PACSIN2: variants seen among roughly 807,000 people sequenced by gnomAD.
The protein encoded by PACSIN2 is protein kinase C and casein kinase substrate in neurons protein 2.
Under a neutral mutation model 63.8 loss-of-function variants are expected in PACSIN2, and 25 were observed. The ratio of observed to expected loss-of-function variants is 0.39; its 90% CI spans 0.29 to 0.55. The LOEUF is 0.55. Among genes scored for constraint, PACSIN2 ranks in the 20% least tolerant of loss-of-function variants. PACSIN2 has a pLI of 0.62. For synonymous variants in PACSIN2, 255 were observed against 256.2 expected (o/e 1.00, Z 0.05); for missense variants, 518 against 646.9 (o/e 0.80, Z 2.16).
intron 2 of PACSIN2, among the ~76,000 whole-genome samples, chr22:42,903,587 A>G (rs1423226329): frequency 1.3e-5 from 2 of 152,092 alleles, no homozygotes; most frequent in Non-Finnish European, 2.9e-5. Context: ...TGGGCTCCCA[A>G]CTTGTCTCAG....
intron 7 of PACSIN2, chr22:42,880,769 G>C (rs1929012690): frequency 6.6e-6 from 1 of 152,110 alleles, no homozygotes; most frequent in African/African-American, 2.4e-5. Flanking sequence ...GCTCTGGCTG[G>C]GACACCCTCC....
chr22:42,966,809 G>A (rs1248340566), intron 1 of PACSIN2, among the ~76,000 whole-genome samples: 4 of 152,224 alleles, frequency 2.6e-5, no homozygotes, highest in Non-Finnish European at 5.9e-5. Context: ...AATGGAAGAT[G>A]ATCCAAGAAA....
chr22:42,937,270 A>G (rs1010610368), intron 1 of PACSIN2, among the ~76,000 whole-genome samples: 2 of 152,160 alleles, frequency 1.3e-5, no homozygotes, highest in Non-Finnish European at 2.9e-5. Flanking sequence ...CATGGGAAGA[A>G]GTAAGCCATA....
chr22:42,948,443 C>A (rs986154583), intron 1 of PACSIN2, among the ~76,000 whole-genome samples: 13 of 152,228 alleles, frequency 8.5e-5, no homozygotes, highest in African/African-American at 3.1e-4. Context: ...ACCTTCTCAA[C>A]CAGTACTATA....
intron 2 of PACSIN2, among the ~76,000 whole-genome samples, chr22:42,911,799 C>T (rs917299550): frequency 2.0e-5 from 3 of 152,228 alleles, no homozygotes; most frequent in Non-Finnish European, 4.4e-5. Context: ...CCTTTCCTAG[C>T]AAGGTAAGTT....
chr22:42,986,615 A>G (rs138381234), intron 1 of PACSIN2, among the ~76,000 whole-genome samples: 2 of 152,222 alleles, frequency 1.3e-5, no homozygotes, highest in African/African-American at 4.8e-5. Flanking sequence ...ATACACACTA[A>G]AATCCACATG....
rs557500523 is a variant in PACSIN2, at chr22:43,001,588, C to T, written c.-78+13433G>A. ...CTGAAGTGTGGGCACAAAAACCTGC[C>T]TGTGCTTGGGAAGCAAGACACTTGT... On this transcript the variant is annotated intron_variant, in intron 1 of 10. Transcript: ENST00000263246. Among the ~76,000 whole-genome samples the T allele has an allele frequency of 1.1e-3, 169 of 152,244 alleles. 1 individual carries two copies. The highest frequency in any genetic ancestry group is 2.1e-3 in the Non-Finnish European group (146 of 68,044).
chr22:43,012,971 T>C (rs2146935120), intron 1 of PACSIN2, among the ~76,000 whole-genome samples: 1 of 152,114 alleles, frequency 6.6e-6, no homozygotes, highest in East Asian at 1.9e-4. Flanking sequence ...TTTGTATCTT[T>C]AGTAGAGACG....
At chr22:43,004,368 C>T (rs1330625337) in intron 1 of PACSIN2, among the ~76,000 whole-genome samples, 1 of 152,228 alleles carries the variant, frequency 6.6e-6, no homozygotes, top group Non-Finnish European at 1.5e-5. Context: ...CTGCACCCCC[C>T]ACGCACATCC....
chr22:42,945,076 C>T lies in PACSIN2; in HGVS notation c.-77-32919G>A, dbSNP rs1247160147. Among the ~76,000 whole-genome samples the T allele has an allele frequency of 6.3e-5, 9 of 142,724 alleles. No individual in the cohort carries two copies. In the South Asian group the frequency reaches 1.4e-3, roughly 21 times the overall value. 93.6% of individuals were successfully genotyped at this position (142,724 alleles called of 152,430 possible). ...TCATACCACTGTACTCTAGCCTGGA[C>T]GACAGGGCAAGACTCGTCTCAAAAA... On this transcript the variant is annotated intron_variant, in intron 1 of 10. Transcript: ENST00000263246.
chr22:42,985,162 T>C lies in PACSIN2; in HGVS notation c.-78+29859A>G, dbSNP rs1286703818. Reference sequence around the variant, plus strand: ...TGGCCAACATGCGAAACCCCATCTCTGCTAAAAATACAAAACTCAGCCAGG... The same window carrying C: ...TGGCCAACATGCGAAACCCCATCTCCGCTAAAAATACAAAACTCAGCCAGG... On this transcript the variant is annotated intron_variant, in intron 1 of 10. Coordinates refer to ENST00000263246, the MANE Select transcript of PACSIN2 (RefSeq NM_001184970.3). Among the ~76,000 whole-genome samples, 4 of 152,208 alleles carry C rather than the reference T, an allele frequency of 2.6e-5. No individual in the cohort carries two copies. In the East Asian group the frequency reaches 5.8e-4, roughly 22 times the overall value.
intron 5 of PACSIN2, among the ~76,000 whole-genome samples, chr22:42,887,803 G>A (rs1001236728): frequency 1.3e-5 from 2 of 152,336 alleles, no homozygotes; most frequent in Admixed American, 6.5e-5. Flanking sequence ...TTTACACAAT[G>A]ATTTCTCATT....
At chr22:42,878,938 A>G (rs975005293) in intron 8 of PACSIN2, 110 bp downstream of exon 8, 1 of 1,281,784 alleles carries the variant, frequency 7.8e-7, no homozygotes. Flanking sequence ...AGAGCTCAGG[A>G]GCCCAGGAAC....
intron 1 of PACSIN2, among the ~76,000 whole-genome samples, chr22:43,000,514 G>A (rs975876041): frequency 6.6e-6 from 1 of 152,180 alleles, no homozygotes; most frequent in Non-Finnish European, 1.5e-5. Context: ...CTCATGTTAT[G>A]TTAAACTATT....
At chr22:42,997,296 C>T (rs1204499343) in intron 1 of PACSIN2, among the ~76,000 whole-genome samples, 3 of 152,242 alleles carry the variant, frequency 2.0e-5, no homozygotes, top group Non-Finnish European at 4.4e-5. Context: ...CAGTGGCTCA[C>T]GCCTGTTATC....
intron 10 of PACSIN2, among the ~76,000 whole-genome samples, chr22:42,872,180 A>G (rs893972777): frequency 6.6e-6 from 1 of 152,194 alleles, no homozygotes; most frequent in Non-Finnish European, 1.5e-5. Context: ...TACAGAGATG[A>G]GAGGAACTGA....
chr22:42,964,923 T>TC (rs941851307), intron 1 of PACSIN2, among the ~76,000 whole-genome samples: 1 of 151,988 alleles, frequency 6.6e-6, no homozygotes, highest in African/African-American at 2.4e-5. Context: ...AAAAGAAGAT[T>TC]CCCCCAAATC....
intron 2 of PACSIN2, among the ~76,000 whole-genome samples, chr22:42,901,173 A>G (rs1930658676): frequency 6.6e-6 from 1 of 152,070 alleles, no homozygotes; most frequent in Non-Finnish European, 1.5e-5. Flanking sequence ...TGCACCCTGG[A>G]GAGGAAGGGT....
At chr22:42,931,959 C>G (rs966679058) in intron 1 of PACSIN2, among the ~76,000 whole-genome samples, 5 of 152,112 alleles carry the variant, frequency 3.3e-5, no homozygotes, top group Admixed American at 1.3e-4. Flanking sequence ...AACAGAAAAC[C>G]TATCCTCACT....
Sources: allele counts gnomAD v4.1 joint callset (sites outside exome capture counted in the v4.1 genomes callset), GRCh38; gene constraint gnomAD v4.1.1; transcripts MANE v1.5; gene names NCBI Gene and HGNC (gene_info 2026-07-23, HGNC 2026-07-21).